DLC1: variants seen among roughly 807,000 people sequenced by gnomAD.
The protein encoded by DLC1 is DLC1 Rho GTPase activating protein, also known as rho GTPase-activating protein 7.
Under a neutral mutation model 140.3 loss-of-function variants are expected in DLC1, and 54 were observed. That is an observed-to-expected ratio of 0.38 (90% CI 0.31 to 0.48). DLC1 has a LOEUF of 0.48. DLC1 is among the 20% of genes least tolerant of loss of function. The pLI is 0.96. For missense variants in DLC1, 2,536 were observed against 1,907.0 expected (o/e 1.33, Z -6.14); for synonymous variants, 986 against 728.1 (o/e 1.35, Z -5.70).
intron 10 of DLC1, 129 bp downstream of exon 10, chr8:13,098,270 G>T (rs1818681395): frequency 9.2e-6 from 11 of 1,193,886 alleles, no homozygotes; most frequent in Non-Finnish European, 1.3e-5. Context: ...GAGAGTGATT[G>T]CCATAGGATG....
chr8:13,499,209 A>G lies in DLC1; in HGVS notation c.863T>C (p.Met288Thr). 2 of 1,614,190 alleles carry G rather than the reference A, an allele frequency of 1.2e-6. No homozygotes were observed. Among genetic ancestry groups the G allele is most frequent in the Non-Finnish European group, 1.7e-6 (2 of 1,180,010 alleles). ...CTTCTCCAGGCCATTTTCAGCTGAC[A>G]TTCCATTGGGGCAGGAAGGAGGCTG... ...LLQPPSCPNG[M>T]SAENGLEKSG... is the part of the protein sequence containing the mutation. The change falls in exon 2 of 18, where the codon ATG becomes ACG. Residue 288 changes from methionine to threonine, a missense_variant. Physicochemically the swap from Met to Thr is moderately conservative, Grantham distance 81. Coordinates refer to ENST00000276297, the MANE Select transcript of DLC1 (RefSeq NM_182643.3).
At chr8:13,572,310 C>A (rs1481478259) in intron 1 of DLC1, among the ~76,000 whole-genome samples, 1 of 151,974 alleles carries the variant, frequency 6.6e-6, no homozygotes, top group African/African-American at 2.4e-5. Context: ...AGGATGGTCT[C>A]GATCTCCTGA....
intron 4 of DLC1, among the ~76,000 whole-genome samples, chr8:13,376,815 C>G (rs781267723): frequency 6.6e-6 from 1 of 152,128 alleles, no homozygotes; most frequent in Non-Finnish European, 1.5e-5. Flanking sequence ...AACATTTAAT[C>G]CTAGCTCTTG....
At chr8:13,106,203 A>T (rs1819549891) in intron 7 of DLC1, among the ~76,000 whole-genome samples, 3 of 152,238 alleles carry the variant, frequency 2.0e-5, no homozygotes, top group Non-Finnish European at 2.9e-5. Context: ...TTGTATTAAA[A>T]GTAAAAACAA....
At chr8:13,141,160 C>G (rs1210177406) in intron 5 of DLC1, among the ~76,000 whole-genome samples, 4 of 147,328 alleles carry the variant, frequency 2.7e-5, no homozygotes, top group African/African-American at 7.6e-5. Context: ...GAAGCTGAGG[C>G]AGGAGAATCA....
intron 1 of DLC1, among the ~76,000 whole-genome samples, chr8:13,527,672 G>A (rs1406547544): frequency 6.6e-6 from 1 of 152,022 alleles, no homozygotes; most frequent in Non-Finnish European, 1.5e-5. Flanking sequence ...TTTGGTAAAT[G>A]CACTGGAAAA....
chr8:13,091,461 A>G (rs1409517873), intron 13 of DLC1, 29 bp from the exon 14 acceptor site: 1 of 1,569,958 alleles, frequency 6.4e-7, no homozygotes, highest in Non-Finnish European at 8.7e-7. Context: ...GGAGGGGAAC[A>G]GTTCAAATAT....
intron 1 of DLC1, among the ~76,000 whole-genome samples, chr8:13,504,473 A>T (rs778369866): frequency 2.6e-5 from 4 of 152,202 alleles, no homozygotes; most frequent in Admixed American, 1.3e-4. Context: ...CAATTTTAGC[A>T]TGTGTTCCAG....
intron 2 of DLC1, among the ~76,000 whole-genome samples, chr8:13,483,073 C>A (rs975108149): frequency 1.3e-5 from 2 of 152,136 alleles, no homozygotes; most frequent in Non-Finnish European, 2.9e-5. Context: ...AGGGCAGAAT[C>A]TTTCCTTCCC....
At chr8:13,351,342 G>T (rs1281553028) in intron 4 of DLC1, among the ~76,000 whole-genome samples, 2 of 152,190 alleles carry the variant, frequency 1.3e-5, no homozygotes, top group African/African-American at 4.8e-5. Flanking sequence ...AAACAGTTGG[G>T]ATTCAGTCCG....
chr8:13,573,209 A>G (rs1347327404), intron 1 of DLC1, among the ~76,000 whole-genome samples: 1 of 152,144 alleles, frequency 6.6e-6, no homozygotes, highest in East Asian at 1.9e-4. Context: ...TAAGTGTTTT[A>G]TTCTTTTGGT....
intron 5 of DLC1, among the ~76,000 whole-genome samples, chr8:13,242,920 T>C (rs1175664880): frequency 6.6e-6 from 1 of 152,080 alleles, no homozygotes; most frequent in South Asian, 2.1e-4. Context: ...CGAATTGTAA[T>C]CCCCACATGT....
intron 4 of DLC1, among the ~76,000 whole-genome samples, chr8:13,344,970 C>T (rs1013992432): frequency 3.3e-5 from 5 of 151,900 alleles, no homozygotes; most frequent in African/African-American, 7.3e-5. Flanking sequence ...TAAAGGGGAA[C>T]GATAAAAACA....
rs545712229 is a variant in DLC1, at chr8:13,578,959, C to T, written c.-126+25578G>A. Among the ~76,000 whole-genome samples the T allele has an allele frequency of 2.0e-5, 3 of 151,896 alleles. No individual in the cohort carries two copies. The East Asian group carries it at 5.9e-4, about 30-fold the overall frequency. On this transcript the variant is annotated intron_variant, in intron 1 of 1. Transcript: ENST00000631382. ...GTTGAGGGGGTGGGGCTGAAAGTTC[C>T]AACGTTTTATTACAGGTTGGTTCCT...
chr8:13,579,348 TATATATA>T (rs1287833738), intron 1 of DLC1, among the ~76,000 whole-genome samples: 4 of 54,068 alleles, frequency 7.4e-5, no homozygotes, highest in African/African-American at 4.2e-4. Context: ...TATATATATA[TATATATA>T]TATATATTTT....
intron 5 of DLC1, among the ~76,000 whole-genome samples, chr8:13,144,399 G>A (rs535330550): frequency 6.6e-6 from 1 of 152,232 alleles, no homozygotes; most frequent in East Asian, 1.9e-4. Context: ...AGCTTCCTTG[G>A]TTCTCCACCT....
upstream of DLC1, among the ~76,000 whole-genome samples, chr8:13,516,054 C>T (rs1802575196): frequency 6.6e-6 from 1 of 152,172 alleles, no homozygotes; most frequent in Non-Finnish European, 1.5e-5. Context: ...AAGCAGGAAA[C>T]AGCATCTCTG....
At chr8:13,452,432 A>T (rs1585131706) in intron 2 of DLC1, among the ~76,000 whole-genome samples, 2 of 152,142 alleles carry the variant, frequency 1.3e-5, no homozygotes, top group East Asian at 3.9e-4. Context: ...TCTACTTTAC[A>T]TCAAAATATT....
chr8:13,459,465 A>G (rs544545659), intron 2 of DLC1, among the ~76,000 whole-genome samples: 68 of 152,354 alleles, frequency 4.5e-4, no homozygotes, highest in African/African-American at 1.5e-3. Flanking sequence ...TCGTAGCTGT[A>G]TAATGACCAA....
Sources: allele counts gnomAD v4.1 joint callset (sites outside exome capture counted in the v4.1 genomes callset), GRCh38; gene constraint gnomAD v4.1.1; transcripts MANE v1.5; gene names NCBI Gene and HGNC (gene_info 2026-07-23, HGNC 2026-07-21).